The following RANBP2 variants were observed in gnomAD, a reference collection of about 807,000 sequenced individuals.
RANBP2 encodes E3 SUMO-protein ligase RanBP2.
Under a neutral mutation model 303.6 loss-of-function variants are expected in RANBP2, and 57 were observed. The observed-to-expected ratio is 0.19, with a 90% CI of 0.15 to 0.23. The LOEUF (loss-of-function observed/expected upper bound fraction) is 0.23. Among genes scored for constraint, RANBP2 ranks in the 10% least tolerant of loss-of-function variants. RANBP2 has a pLI of 1.00. For synonymous variants in RANBP2, 1,167 were observed against 1,301.5 expected (o/e 0.90, Z 2.23); for missense variants, 3,138 against 3,780.8 (o/e 0.83, Z 4.46).
At chr2:109,453,460 G>A in the RANBP2 span, among the ~76,000 whole-genome samples, 1 of 152,210 alleles carries the variant, frequency 6.6e-6, no homozygotes, top group Non-Finnish European at 1.5e-5. Flanking sequence ...TTGAAACTGT[G>A]TGAGCACATC....
the RANBP2 span, among the ~76,000 whole-genome samples, chr2:109,231,376 T>C: frequency 6.6e-6 from 1 of 152,268 alleles, no homozygotes; most frequent in Non-Finnish European, 1.5e-5. Context: ...AATGCAGTTA[T>C]CACCACGTTC....
At chr2:109,340,466 T>A in the RANBP2 span, among the ~76,000 whole-genome samples, 2 of 152,170 alleles carry the variant, frequency 1.3e-5, no homozygotes, top group African/African-American at 4.8e-5. Context: ...ATGCATTGGT[T>A]CTTTGCTGAA....
At chr2:109,219,538 C>G in the RANBP2 span, among the ~76,000 whole-genome samples, 1 of 152,014 alleles carries the variant, frequency 6.6e-6, no homozygotes, top group African/African-American at 2.4e-5. Flanking sequence ...ATGATACGAT[C>G]TTATGCATAG....
chr2:109,061,161 T>A, the RANBP2 span, among the ~76,000 whole-genome samples: 2 of 152,042 alleles, frequency 1.3e-5, no homozygotes, highest in African/African-American at 2.4e-5. Context: ...TCTCAGTCAC[T>A]TGCTGTTGTC....
chr2:108,986,955 T>C, the RANBP2 span, among the ~76,000 whole-genome samples: 4 of 152,106 alleles, frequency 2.6e-5, no homozygotes, highest in Non-Finnish European at 1.5e-5. Flanking sequence ...GTGGGTGGAA[T>C]ACCTAGGCAG....
At chr2:109,688,595 G>A in the RANBP2 span, among the ~76,000 whole-genome samples, 6 of 151,730 alleles carry the variant, frequency 4.0e-5, no homozygotes, top group African/African-American at 1.2e-4. Context: ...GCCAACCAAC[G>A]TGGTGAAACC....
the RANBP2 span, among the ~76,000 whole-genome samples, chr2:109,151,192 T>C: frequency 6.6e-6 from 1 of 152,240 alleles, no homozygotes; most frequent in Non-Finnish European, 1.5e-5. Context: ...ATTGAAAATA[T>C]GTGTCCAGTG....
the RANBP2 span, among the ~76,000 whole-genome samples, chr2:109,353,877 C>T: frequency 6.6e-6 from 1 of 152,146 alleles, no homozygotes; most frequent in Non-Finnish European, 1.5e-5. Context: ...AGGTTCCCCT[C>T]AGCCCTCAGA....
At chr2:109,022,813 G>C in the RANBP2 span, among the ~76,000 whole-genome samples, 1 of 152,216 alleles carries the variant, frequency 6.6e-6, no homozygotes, top group Non-Finnish European at 1.5e-5. Context: ...CACTTTGGGA[G>C]GCCGAGGTGG....
the RANBP2 span, among the ~76,000 whole-genome samples, chr2:109,710,804 C>T: frequency 6.6e-6 from 1 of 152,106 alleles, no homozygotes; most frequent in Non-Finnish European, 1.5e-5. Flanking sequence ...TGGGCTGAAC[C>T]CCCCGGGCAC....
the RANBP2 span, chr2:109,128,881 G>A: frequency 9.5e-6 from 3 of 315,322 alleles, no homozygotes; most frequent in South Asian, 4.5e-5. Flanking sequence ...TAGGGGACCA[G>A]GCTAATCGCC....
chr2:108,809,322 A>G, the RANBP2 span, among the ~76,000 whole-genome samples: 1 of 152,120 alleles, frequency 6.6e-6, no homozygotes, highest in Non-Finnish European at 1.5e-5. Flanking sequence ...TTTCATACAC[A>G]GTTTAGAATT....
At chr2:109,719,828 C>A in the RANBP2 span, among the ~76,000 whole-genome samples, 1 of 152,178 alleles carries the variant, frequency 6.6e-6, no homozygotes. Flanking sequence ...CAAGATGATT[C>A]CTCTGGGCAT....
the RANBP2 span, among the ~76,000 whole-genome samples, chr2:108,964,742 C>A: frequency 6.6e-6 from 1 of 152,226 alleles, no homozygotes; most frequent in Non-Finnish European, 1.5e-5. Context: ...ACACTCAGTG[C>A]TCACTAAGTG....
the RANBP2 span, among the ~76,000 whole-genome samples, chr2:109,267,228 A>C: frequency 6.6e-6 from 1 of 152,092 alleles, no homozygotes; most frequent in African/African-American, 2.4e-5. Context: ...TCCTCTGAAT[A>C]GGAAGTGCAT....
the RANBP2 span, among the ~76,000 whole-genome samples, chr2:109,268,232 A>T: frequency 1.3e-5 from 2 of 151,810 alleles, no homozygotes; most frequent in South Asian, 4.2e-4. Context: ...TTCTGTGTGG[A>T]ATGGAAAACC....
At chr2:109,284,214 C>T in the RANBP2 span, among the ~76,000 whole-genome samples, 1 of 152,228 alleles carries the variant, frequency 6.6e-6, no homozygotes, top group Admixed American at 6.5e-5. Context: ...GTGGTGTGAC[C>T]CTCAGGAATT....
At chr2:109,717,060 G>C in the RANBP2 span, among the ~76,000 whole-genome samples, 240 of 152,176 alleles carry the variant, frequency 1.6e-3, no homozygotes, top group African/African-American at 5.5e-3. Flanking sequence ...GAAGTAAAAG[G>C]CATCCCAGTG....
At chr2:109,692,750 G>A in the RANBP2 span, among the ~76,000 whole-genome samples, 3 of 151,988 alleles carry the variant, frequency 2.0e-5, no homozygotes, top group Non-Finnish European at 4.4e-5. Flanking sequence ...AGAGGGAAGG[G>A]CCCACATGCG....
Sources: allele counts gnomAD v4.1 joint callset (sites outside exome capture counted in the v4.1 genomes callset), GRCh38; gene constraint gnomAD v4.1.1; transcripts MANE v1.5; gene names NCBI Gene and HGNC (gene_info 2026-07-23, HGNC 2026-07-21).